MUC7: variants seen among roughly 807,000 people sequenced by gnomAD.
MUC7 encodes mucin 7, secreted.
In MUC7, 2 loss-of-function variants were observed where a neutral mutation model predicts 2.5. The ratio of observed to expected loss-of-function variants is 0.81; its 90% CI spans 0.33 to 2.55. The LOEUF (loss-of-function observed/expected upper bound fraction) is 2.55, where lower values mean the gene tolerates loss of function less well. Ranked by LOEUF, MUC7 falls within the 30% of genes most tolerant of loss-of-function variation. The pLI, the probability that MUC7 is intolerant of heterozygous loss-of-function variation, is 0.11. For synonymous variants in MUC7, 133 were observed against 173.4 expected (o/e 0.77, Z 1.83); for missense variants, 408 against 455.6 (o/e 0.90, Z 0.95).
chr4:70,480,775 T>G, intron 2 of MUC7, 24 bp from the exon 3 acceptor site: 2 of 1,601,596 alleles, frequency 1.2e-6, no homozygotes, highest in South Asian at 2.2e-5. Flanking sequence ...TTTTCATTTC[T>G]TACATTTTCT....
chr4:70,441,945 A>G (rs763482734), intron 1 of MUC7, among the ~76,000 whole-genome samples: 5 of 152,240 alleles, frequency 3.3e-5, no homozygotes, highest in Non-Finnish European at 7.3e-5. Flanking sequence ...AAGGAAGCCC[A>G]TTAAGGTGAG....
chr4:70,456,415 C>T (rs979602333), intron 1 of MUC7, among the ~76,000 whole-genome samples: 9 of 152,152 alleles, frequency 5.9e-5, no homozygotes, highest in African/African-American at 1.9e-4. Flanking sequence ...TGAAGAACTA[C>T]CTGAGACTGG....
At chr4:70,462,182 A>G (rs1734572807) in intron 1 of MUC7, among the ~76,000 whole-genome samples, 1 of 151,322 alleles carries the variant, frequency 6.6e-6, no homozygotes, top group Non-Finnish European at 1.5e-5. Flanking sequence ...AGTTCACTCC[A>G]GTCTGGATGA....
chr4:70,436,222 G>C (rs377202685), intron 1 of MUC7, among the ~76,000 whole-genome samples: 1 of 152,174 alleles, frequency 6.6e-6, no homozygotes, highest in Non-Finnish European at 1.5e-5. Context: ...GGTGTTCTCT[G>C]TATTTCCTGA....
chr4:70,444,611 A>T (rs1734085271), intron 1 of MUC7, among the ~76,000 whole-genome samples: 1 of 152,190 alleles, frequency 6.6e-6, no homozygotes, highest in Non-Finnish European at 1.5e-5. Flanking sequence ...TTTTATAGCC[A>T]CTGATTATCT....
chr4:70,441,918 G>C (rs1734016311), intron 1 of MUC7, among the ~76,000 whole-genome samples: 1 of 152,128 alleles, frequency 6.6e-6, no homozygotes, highest in Non-Finnish European at 1.5e-5. Flanking sequence ...GTTATTCAAA[G>C]AAAATATACT....
At chr4:70,447,910 C>G (rs892447169) in intron 1 of MUC7, among the ~76,000 whole-genome samples, 7 of 152,126 alleles carry the variant, frequency 4.6e-5, no homozygotes, top group African/African-American at 1.7e-4. Flanking sequence ...TTTATACCCA[C>G]TAACCATCCA....
At chr4:70,445,456 A>G (rs577787714) in intron 1 of MUC7, among the ~76,000 whole-genome samples, 12 of 152,342 alleles carry the variant, frequency 7.9e-5, no homozygotes, top group African/African-American at 2.6e-4. Context: ...CAAATAATTC[A>G]TATAAATTCC....
intron 1 of MUC7, among the ~76,000 whole-genome samples, chr4:70,436,518 A>G (rs1733838324): frequency 6.6e-6 from 1 of 152,158 alleles, no homozygotes; most frequent in Non-Finnish European, 1.5e-5. Context: ...GTATGCTTCA[A>G]AAAGTTCTCA....
intron 1 of MUC7, among the ~76,000 whole-genome samples, chr4:70,450,237 C>G (rs532898749): frequency 6.6e-6 from 1 of 152,218 alleles, no homozygotes; most frequent in Admixed American, 6.5e-5. Flanking sequence ...CACTGCCACC[C>G]CAGGCACAAG....
chr4:70,450,981 C>G (rs755091450), intron 1 of MUC7, among the ~76,000 whole-genome samples: 57 of 107,188 alleles, frequency 5.3e-4, no homozygotes, highest in Non-Finnish European at 8.6e-4. Flanking sequence ...CATGCCCCCC[C>G]AGTCCACTGT....
Position 70,482,408 on chromosome 4 carries a change from T to C in MUC7, c.*530T>C, listed in dbSNP as rs1026792080. On this transcript the variant is annotated 3_prime_UTR_variant, in exon 3 of 3. Transcript: ENST00000304887. ...GACAAAACCCTTTAGATAATTATCTTCCATTTTAAATAAAATTTTATTTCA... is the reference window on the plus strand; with the variant it reads ...GACAAAACCCTTTAGATAATTATCTCCCATTTTAAATAAAATTTTATTTCA... 2 of 152,580 alleles carry C rather than the reference T, an allele frequency of 1.3e-5. No individual in the cohort carries two copies. Among genetic ancestry groups the C allele is most frequent in the Non-Finnish European group, 2.9e-5 (2 of 68,340 alleles). 9.5% of individuals were successfully genotyped at this position (152,580 alleles called of 1,614,324 possible). A position where few individuals can be genotyped will look rare whatever the true frequency, so the allele number is the denominator to read the frequency against.
At chr4:70,453,232 G>A (rs1734324151) in intron 1 of MUC7, among the ~76,000 whole-genome samples, 1 of 152,186 alleles carries the variant, frequency 6.6e-6, no homozygotes, top group African/African-American at 2.4e-5. Context: ...GTTCCCTCAG[G>A]CCCCAGGTGG....
intron 1 of MUC7, among the ~76,000 whole-genome samples, chr4:70,450,247 G>C (rs1734247255): frequency 6.6e-6 from 1 of 152,182 alleles, no homozygotes; most frequent in Non-Finnish European, 1.5e-5. Context: ...CCAGGCACAA[G>C]GGGTACTGAC....
chr4:70,477,407 T>C (rs953604453), intron 2 of MUC7, among the ~76,000 whole-genome samples: 5 of 152,196 alleles, frequency 3.3e-5, no homozygotes, highest in Non-Finnish European at 7.3e-5. Flanking sequence ...AGACTCTGTC[T>C]CAAAATACAA....
intron 1 of MUC7, among the ~76,000 whole-genome samples, chr4:70,473,119 T>A (rs1577913872): frequency 6.6e-6 from 1 of 152,264 alleles, no homozygotes; most frequent in East Asian, 1.9e-4. Context: ...TAAAGAATAA[T>A]TCCTGTCATT....
chr4:70,446,399 C>A (rs1490455284), intron 1 of MUC7, among the ~76,000 whole-genome samples: 1 of 152,112 alleles, frequency 6.6e-6, no homozygotes, highest in Non-Finnish European at 1.5e-5. Context: ...GCCTGTGAAA[C>A]CTGTAGAGGA....
At chr4:70,461,866 C>A (rs1734565721) in intron 1 of MUC7, among the ~76,000 whole-genome samples, 1 of 149,836 alleles carries the variant, frequency 6.7e-6, no homozygotes, top group South Asian at 2.1e-4. Flanking sequence ...TTTAGTAAAC[C>A]AAAACAAGAG....
chr4:70,443,675 G>A (rs1390578694), intron 1 of MUC7, among the ~76,000 whole-genome samples: 1 of 152,076 alleles, frequency 6.6e-6, no homozygotes, highest in African/African-American at 2.4e-5. Flanking sequence ...AACTAACCAA[G>A]AAGATGTGGT....
Sources: allele counts gnomAD v4.1 joint callset (sites outside exome capture counted in the v4.1 genomes callset), GRCh38; gene constraint gnomAD v4.1.1; transcripts MANE v1.5; gene names NCBI Gene and HGNC (gene_info 2026-07-23, HGNC 2026-07-21).